The following HRH1 variants were observed in gnomAD, a reference collection of about 807,000 sequenced individuals.
The protein encoded by HRH1 is histamine H1 receptor.
A neutral mutation model predicts 10.3 loss-of-function variants in HRH1; 6 were observed. The observed-to-expected ratio is 0.58, with a 90% CI of 0.32 to 1.15. The LOEUF (loss-of-function observed/expected upper bound fraction) is 1.15. Among genes scored for constraint, HRH1 ranks in the 50% most tolerant of loss-of-function variants. The pLI, the probability that HRH1 is intolerant of heterozygous loss-of-function variation, is 0.05. For synonymous variants in HRH1, 242 were observed against 236.7 expected (o/e 1.02, Z -0.21); for missense variants, 514 against 615.3 (o/e 0.84, Z 1.74).
chr3:11,161,033 C>A (rs1344891543), intron 1 of HRH1, among the ~76,000 whole-genome samples: 4 of 152,020 alleles, frequency 2.6e-5, no homozygotes, highest in Non-Finnish European at 5.9e-5. Flanking sequence ...AATAAACACT[C>A]AATGTCATTC....
intron 1 of HRH1, among the ~76,000 whole-genome samples, chr3:11,194,777 T>C (rs1937609948): frequency 6.6e-6 from 1 of 152,200 alleles, no homozygotes; most frequent in Admixed American, 6.5e-5. Flanking sequence ...ATTGTGTCAT[T>C]GCACTCCAGC....
chr3:11,191,114 T>C (rs1223372839), intron 1 of HRH1, among the ~76,000 whole-genome samples: 1 of 152,150 alleles, frequency 6.6e-6, no homozygotes, highest in Non-Finnish European at 1.5e-5. Flanking sequence ...TCCTTAGTAA[T>C]ACTTCCTCCC....
chr3:11,176,268 T>G (rs1359619560), intron 1 of HRH1, among the ~76,000 whole-genome samples: 3 of 152,016 alleles, frequency 2.0e-5, no homozygotes, highest in Admixed American at 6.6e-5. Context: ...TCTCAGATAA[T>G]TATAAAAAGA....
intron 1 of HRH1, among the ~76,000 whole-genome samples, chr3:11,231,610 ATGCGGATGTGCCATCTG>A (rs1939043041): frequency 6.6e-6 from 1 of 152,154 alleles, no homozygotes. Context: ...ATCTTTTCAC[ATGCGGATGTGCCATCTG>A]TATCATCTGT....
chr3:11,174,335 T>G (rs1466269040), intron 1 of HRH1, among the ~76,000 whole-genome samples: 3 of 152,058 alleles, frequency 2.0e-5, no homozygotes, highest in Non-Finnish European at 4.4e-5. Context: ...GCAGGAGGTA[T>G]GAGGAGATAG....
At chr3:11,172,764 C>T (rs13073044) in intron 1 of HRH1, among the ~76,000 whole-genome samples, 11,275 of 144,570 alleles carry the variant, frequency 0.078, 662 homozygotes, top group African/African-American at 0.17. Flanking sequence ...GTGCAGTAGG[C>T]GATCTCGGCT....
At chr3:11,219,441 C>T (rs1286583369) in intron 1 of HRH1, among the ~76,000 whole-genome samples, 3 of 151,992 alleles carry the variant, frequency 2.0e-5, no homozygotes, top group East Asian at 3.9e-4. Flanking sequence ...AGGCTGGGCA[C>T]GGTGGCTCAT....
intron 1 of HRH1, among the ~76,000 whole-genome samples, chr3:11,207,863 C>T (rs1366230028): frequency 2.6e-5 from 4 of 152,140 alleles, no homozygotes; most frequent in Admixed American, 6.5e-5. Flanking sequence ...GTGTACCCAG[C>T]GGGCCTGTCT....
chr3:11,168,819 C>T (rs1464774468), intron 1 of HRH1, among the ~76,000 whole-genome samples: 1 of 152,208 alleles, frequency 6.6e-6, no homozygotes, highest in Non-Finnish European at 1.5e-5. Context: ...CCTAGCAATG[C>T]CCCATCCAGG....
intron 1 of HRH1, among the ~76,000 whole-genome samples, chr3:11,210,820 T>C (rs1306041734): frequency 6.7e-6 from 1 of 149,776 alleles, no homozygotes; most frequent in Admixed American, 6.6e-5. Context: ...AAAGCAGCTG[T>C]TGTTATTTTT....
intron 1 of HRH1, among the ~76,000 whole-genome samples, chr3:11,225,046 A>C (rs1938838849): frequency 6.6e-6 from 1 of 152,154 alleles, no homozygotes. Flanking sequence ...GCTAAGAGCC[A>C]CTCACAGGAG....
intron 1 of HRH1, among the ~76,000 whole-genome samples, chr3:11,233,958 A>T (rs569397938): frequency 6.6e-6 from 1 of 152,222 alleles, no homozygotes; most frequent in Non-Finnish European, 1.5e-5. Flanking sequence ...AATGGTTTTT[A>T]GTTGCTGAGC....
chr3:11,157,807 A>G (rs1399391535), intron 1 of HRH1, among the ~76,000 whole-genome samples: 1 of 152,234 alleles, frequency 6.6e-6, no homozygotes, highest in Non-Finnish European at 1.5e-5. Context: ...ACATCCCAAC[A>G]GAGGAATGAG....
intron 1 of HRH1, among the ~76,000 whole-genome samples, chr3:11,248,179 TCTGTTTTTCCCAGGCTATTTGG>T (rs1282924886): frequency 6.6e-6 from 1 of 152,232 alleles, no homozygotes; most frequent in Non-Finnish European, 1.5e-5. Flanking sequence ...CAAGGGCTAT[TCTGTTTTTCCCAGGCTATTTGG>T]CTGGTAAGGC....
intron 1 of HRH1, among the ~76,000 whole-genome samples, chr3:11,184,682 G>A (rs536819516): frequency 1.6e-4 from 25 of 152,146 alleles, no homozygotes; most frequent in African/African-American, 4.6e-4. Flanking sequence ...TTGGGAGGCC[G>A]AGGCGGGCGG....
At chr3:11,230,853 TC>T (rs59822961) in intron 1 of HRH1, among the ~76,000 whole-genome samples, 3,563 of 152,250 alleles carry the variant, frequency 0.023, 155 homozygotes, top group African/African-American at 0.082. Flanking sequence ...TATAGAGGAA[TC>T]CTGCATACAC....
chr3:11,156,131 T>C (rs2125005961), intron 1 of HRH1, among the ~76,000 whole-genome samples: 1 of 152,306 alleles, frequency 6.6e-6, no homozygotes, highest in South Asian at 2.1e-4. Flanking sequence ...CTCACAGGAA[T>C]CCTGGACAAC....
chr3:11,259,508 G>C lies in HRH1; in HGVS notation c.471G>C (p.Leu157=). ...TGGGGGCCTGGTTTCTCTCTTTTCT[G>C]TGGGTTATTCCCATTCTAGGCTGGA... The part of the protein sequence containing the change: ...TILGAWFLSF[L]WVIPILGWNH... Residue 157 remains leucine, a synonymous_variant, in exon 2 of 2, where the codon CTG becomes CTC. Transcript: ENST00000431010. This position sits in a 1 kb window ranked among gnomAD's most constrained non-coding sequence, Gnocchi z 4.6. The C allele has an allele frequency of 6.2e-7, 1 of 1,614,012 alleles. No homozygotes were observed. Among genetic ancestry groups the C allele is most frequent in the Middle Eastern group, 1.6e-4 (1 of 6,062 alleles).
chr3:11,240,059 C>T (rs1293832324), intron 1 of HRH1, among the ~76,000 whole-genome samples: 1 of 152,070 alleles, frequency 6.6e-6, no homozygotes, highest in Non-Finnish European at 1.5e-5. Context: ...GGTTCAATCA[C>T]GTGTGCCCAG....
Sources: allele counts gnomAD v4.1 joint callset (sites outside exome capture counted in the v4.1 genomes callset), GRCh38; gene constraint gnomAD v4.1.1; non-coding constraint Gnocchi (gnomAD v3.1); transcripts MANE v1.5; gene names NCBI Gene and HGNC (gene_info 2026-07-23, HGNC 2026-07-21).